The following ENTREP2 variants were observed in gnomAD, a reference collection of about 807,000 sequenced individuals.
The protein encoded by ENTREP2 is endosomal transmembrane epsin interactor 2.
chr15:29,644,940 A>AG, the ENTREP2 span, among the ~76,000 whole-genome samples: 20 of 152,240 alleles, frequency 1.3e-4, no homozygotes, highest in Non-Finnish European at 2.2e-4. Context: ...CAGGCATGGT[A>AG]GCTCATGCTT....
the ENTREP2 span, among the ~76,000 whole-genome samples, chr15:29,420,339 G>A: frequency 1.3e-5 from 2 of 152,178 alleles, no homozygotes; most frequent in African/African-American, 4.8e-5. Flanking sequence ...TATCCAGAAG[G>A]GGAAGAGGAC....
At chr15:29,177,237 C>T in the ENTREP2 span, among the ~76,000 whole-genome samples, 2 of 152,150 alleles carry the variant, frequency 1.3e-5, no homozygotes, top group Non-Finnish European at 2.9e-5. Flanking sequence ...GTATGGGACT[C>T]TGTCATGTGA....
the ENTREP2 span, among the ~76,000 whole-genome samples, chr15:29,514,748 C>A: frequency 6.6e-6 from 1 of 152,174 alleles, no homozygotes; most frequent in Non-Finnish European, 1.5e-5. Context: ...GACTCAATAT[C>A]ACCTATTTTC....
chr15:29,357,667 C>T, the ENTREP2 span, among the ~76,000 whole-genome samples: 1 of 152,072 alleles, frequency 6.6e-6, no homozygotes, highest in Admixed American at 6.5e-5. Flanking sequence ...GAAACCTCGT[C>T]TCTACTAAAA....
the ENTREP2 span, among the ~76,000 whole-genome samples, chr15:29,579,152 T>C: frequency 7.1e-3 from 1,087 of 152,318 alleles, 8 homozygotes; most frequent in African/African-American, 0.025. Context: ...GAGTAAAATT[T>C]ATCATTTGGC....
At chr15:29,234,877 T>C in the ENTREP2 span, 43 of 1,476,320 alleles carry the variant, frequency 2.9e-5, no homozygotes, top group African/African-American at 5.7e-4. Flanking sequence ...AACGAATTGT[T>C]GTCAAAACCT....
the ENTREP2 span, among the ~76,000 whole-genome samples, chr15:29,673,794 A>T: frequency 6.6e-6 from 1 of 152,254 alleles, no homozygotes; most frequent in Non-Finnish European, 1.5e-5. Flanking sequence ...GTTCATGCCC[A>T]GGAATGACAA....
At chr15:29,416,281 A>G in the ENTREP2 span, among the ~76,000 whole-genome samples, 1 of 152,216 alleles carries the variant, frequency 6.6e-6, no homozygotes, top group Non-Finnish European at 1.5e-5. Flanking sequence ...ACAGCATGGT[A>G]CTGGTACCAA....
the ENTREP2 span, chr15:29,613,995 T>C: frequency 6.5e-6 from 1 of 153,600 alleles, no homozygotes; most frequent in Non-Finnish European, 1.5e-5. Flanking sequence ...AGATGCTCAG[T>C]GTGCAGAACA....
chr15:29,250,241 T>G, the ENTREP2 span, among the ~76,000 whole-genome samples: 139 of 152,262 alleles, frequency 9.1e-4, 1 homozygote, highest in African/African-American at 3.3e-3. Context: ...CAGTACTGTT[T>G]GTGCTGCACA....
the ENTREP2 span, among the ~76,000 whole-genome samples, chr15:29,179,726 G>A: frequency 2.0e-5 from 3 of 149,734 alleles, no homozygotes; most frequent in Admixed American, 6.7e-5. Flanking sequence ...GACTACAGGC[G>A]CCCGCCATCA....
the ENTREP2 span, among the ~76,000 whole-genome samples, chr15:29,336,515 T>C: frequency 6.6e-6 from 1 of 152,148 alleles, no homozygotes; most frequent in African/African-American, 2.4e-5. Flanking sequence ...CTCACTATGT[T>C]GCCCAGGCTG....
At chr15:29,472,136 C>T in the ENTREP2 span, among the ~76,000 whole-genome samples, 1 of 152,246 alleles carries the variant, frequency 6.6e-6, no homozygotes, top group Admixed American at 6.5e-5. Flanking sequence ...CATCATGAGG[C>T]CTCAATGTGC....
the ENTREP2 span, among the ~76,000 whole-genome samples, chr15:29,222,448 C>T: frequency 2.0e-5 from 3 of 152,158 alleles, no homozygotes; most frequent in Non-Finnish European, 4.4e-5. Flanking sequence ...TTTCACTTTA[C>T]TCTATGGGCT....
the ENTREP2 span, among the ~76,000 whole-genome samples, chr15:29,628,608 G>A: frequency 2.6e-5 from 4 of 152,208 alleles, no homozygotes; most frequent in South Asian, 4.1e-4. Context: ...GCTGACAGAG[G>A]GGAATTCAAG....
At chr15:29,416,297 A>G in the ENTREP2 span, among the ~76,000 whole-genome samples, 1 of 152,176 alleles carries the variant, frequency 6.6e-6, no homozygotes, top group Non-Finnish European at 1.5e-5. Context: ...ACCAAAACAG[A>G]GATATAGACC....
chr15:29,321,908 A>C, the ENTREP2 span, among the ~76,000 whole-genome samples: 11 of 152,154 alleles, frequency 7.2e-5, no homozygotes, highest in African/African-American at 2.6e-4. Flanking sequence ...TGATAGGTGC[A>C]GCAAACCACT....
chr15:29,642,451 T>C, the ENTREP2 span, among the ~76,000 whole-genome samples: 6,797 of 148,710 alleles, frequency 0.046, 182 homozygotes, highest in South Asian at 0.066. Flanking sequence ...CATATATATA[T>C]ACACACACAC....
the ENTREP2 span, among the ~76,000 whole-genome samples, chr15:29,515,475 A>C: frequency 2.6e-5 from 4 of 152,188 alleles, no homozygotes; most frequent in African/African-American, 9.6e-5. Flanking sequence ...ACTGATTCAA[A>C]TGCTCATCTC....
Sources: gnomAD v4.1 joint callset for allele counts (sites outside exome capture counted in the v4.1 genomes callset) on GRCh38, gnomAD v4.1.1 for gene constraint, MANE v1.5 for transcripts, NCBI Gene and HGNC (gene_info 2026-07-23, HGNC 2026-07-21) for gene names.